Variants in MAJIN observed in about 807,000 individuals in gnomAD.
The protein encoded by MAJIN is membrane-anchored junction protein.
Under a neutral mutation model 30.2 loss-of-function variants are expected in MAJIN, and 27 were observed. The observed-to-expected ratio is 0.89, with a 90% CI of 0.66 to 1.23. The LOEUF is 1.23. Among genes scored for constraint, MAJIN ranks in the 50% most tolerant of loss-of-function variants. The probability of loss-of-function intolerance (pLI) is 0.00; values close to 1 mark genes in which losing one functional copy is unlikely to be tolerated. For synonymous variants in MAJIN, 78 were observed against 91.6 expected (o/e 0.85, Z 0.85); for missense variants, 253 against 260.3 (o/e 0.97, Z 0.19).
intron 8 of MAJIN, among the ~76,000 whole-genome samples, chr11:64,945,141 A>C (rs990837556): frequency 9.9e-5 from 15 of 152,082 alleles, no homozygotes; most frequent in African/African-American, 3.4e-4. Flanking sequence ...GTGGATCACG[A>C]GGTCAGGAGA....
chr11:64,964,153 A>G (rs1945770362), intron 1 of MAJIN, among the ~76,000 whole-genome samples: 1 of 152,106 alleles, frequency 6.6e-6, no homozygotes, highest in Non-Finnish European at 1.5e-5. Context: ...CATGTTGGCC[A>G]GCCTGGTCTT....
intron 1 of MAJIN, among the ~76,000 whole-genome samples, chr11:64,965,630 C>T (rs1945794200): frequency 6.6e-6 from 1 of 152,128 alleles, no homozygotes; most frequent in African/African-American, 2.4e-5. Flanking sequence ...GTAGTTGTGG[C>T]TTGTTACATG....
intron 4 of MAJIN, among the ~76,000 whole-genome samples, chr11:64,952,109 A>C (rs1260857077): frequency 1.3e-5 from 2 of 152,052 alleles, no homozygotes; most frequent in East Asian, 3.9e-4. Flanking sequence ...GGCAGGTCTC[A>C]AATCCCTGAG....
intron 1 of MAJIN, among the ~76,000 whole-genome samples, chr11:64,969,674 G>A (rs1223002606): frequency 6.6e-6 from 1 of 151,908 alleles, no homozygotes. Flanking sequence ...TACTCAGGAA[G>A]CTGAGGCAGG....
chr11:64,955,042 T>A (rs2136776472), intron 3 of MAJIN, among the ~76,000 whole-genome samples: 1 of 152,380 alleles, frequency 6.6e-6, no homozygotes, highest in South Asian at 2.1e-4. Flanking sequence ...TGAAAGTTAA[T>A]CATTGGTTAC....
chr11:64,971,463 C>T (rs1282381135), intron 1 of MAJIN, among the ~76,000 whole-genome samples: 1 of 138,954 alleles, frequency 7.2e-6, no homozygotes, highest in African/African-American at 2.7e-5. Flanking sequence ...GAGGAAGTTG[C>T]GGGGGGGCGG....
In MAJIN at chr11:64,959,322, T is replaced by G; in HGVS notation, c.84A>C (p.Arg28Ser). 6.2e-7 allele frequency: 1 copy of G among 1,613,102 alleles called. No individual in the cohort carries two copies. The highest frequency in any genetic ancestry group is 8.5e-7 in the Non-Finnish European group (1 of 1,179,100). Residue 28 changes from arginine (R) to serine (S), a missense_variant, in exon 3 of 11, where the codon AGA (arginine) becomes AGC (serine). Transcript: ENST00000301896. ...GAAATTACCTGATACTCTTCCCATA[T>G]CTGATTTTGAATTTATACACATTGG... ...AGPNVYKFKI[R>S]YGKSIRGEEI...
chr11:64,954,074 T>G (rs1187125065), intron 4 of MAJIN: 1 of 155,640 alleles, frequency 6.4e-6, no homozygotes, highest in Non-Finnish European at 1.4e-5. Context: ...GAAAAGCTAG[T>G]TTAGACCTCT....
At chr11:64,961,878 T>C (rs1945732859) in intron 1 of MAJIN, among the ~76,000 whole-genome samples, 1 of 150,630 alleles carries the variant, frequency 6.6e-6, no homozygotes, top group African/African-American at 2.4e-5. Context: ...AGCGCCAAAC[T>C]CCTAGGCTCA....
rs186526776 is a variant in MAJIN at position 64,945,174 on chromosome 11, G to A, written c.473+2200C>T. 2.0e-4 allele frequency among the ~76,000 whole-genome samples: 30 copies of A among 152,108 alleles called. No individual in the cohort carries two copies. In the East Asian group the frequency reaches 2.5e-3, roughly 13 times the overall value. The stretch of plus-strand genomic sequence containing the variant: ...AGATCGAGACCATCCTGGCTAACAC[G>A]GTGAAACCCCGTCTCTACTAAAAAA... On this transcript the variant is annotated intron_variant, in intron 8 of 10. Transcript: ENST00000301896.
Position 64,970,366 on chromosome 11 carries a change from T to TTC in MAJIN, c.-65+1510_-65+1511insGA, listed in dbSNP as rs1487200409. ...GGACAAGAGCAAGACTCCGTCTTTT[T>TTC]TTTTTTTTTTTTTTTTTTGAGACGG... On this transcript the variant is annotated intron_variant, in intron 1 of 10. Coordinates refer to ENST00000301896, the MANE Select transcript of MAJIN (RefSeq NM_001037225.3). Among the ~76,000 whole-genome samples, 974 of 128,052 alleles carry TTC rather than the reference T, an allele frequency of 7.6e-3. 13 individuals carry two copies. The highest frequency in any genetic ancestry group is 0.026 in the African/African-American group (919 of 34,880). The allele number at this position is 128,052 out of a possible 152,430, so 84.0% of individuals were successfully genotyped here. A position where few individuals can be genotyped will look rare whatever the true frequency, so the allele number is the denominator to read the frequency against.
chr11:64,950,537 A>C, intron 4 of MAJIN, 107 bp from the exon 5 acceptor site: 1 of 903,818 alleles, frequency 1.1e-6, no homozygotes, highest in Non-Finnish European at 1.7e-6. Context: ...AAACTGAACT[A>C]TTTGCTGTTC....
intron 1 of MAJIN, among the ~76,000 whole-genome samples, chr11:64,968,104 A>G (rs554150336): frequency 6.6e-6 from 1 of 152,236 alleles, no homozygotes; most frequent in East Asian, 1.9e-4. Flanking sequence ...ATGTGGCTAG[A>G]ACATTGAGAA....
chr11:64,947,029 T>C (rs1025311038), intron 8 of MAJIN, among the ~76,000 whole-genome samples: 1 of 152,224 alleles, frequency 6.6e-6, no homozygotes, highest in African/African-American at 2.4e-5. Flanking sequence ...TTTCCCTATG[T>C]TTTTGTAAAT....
chr11:64,938,308 G>A lies in MAJIN; in HGVS notation c.*267C>T. 1.8e-6 allele frequency: 1 copy of A among 541,046 alleles called. No individual in the cohort carries two copies. Among genetic ancestry groups the A allele is most frequent in the African/African-American group, 1.9e-5 (1 of 53,038 alleles). 33.5% of individuals were successfully genotyped at this position (541,046 alleles called of 1,614,324 possible). A position where few individuals can be genotyped will look rare whatever the true frequency, so the allele number is the denominator to read the frequency against. ...AGGCCTAAACCGGCCCTCAGGACATGAACATTTTAGAAAGTTCCATTCTTA... is the reference window on the plus strand; with the variant it reads ...AGGCCTAAACCGGCCCTCAGGACATAAACATTTTAGAAAGTTCCATTCTTA... On this transcript the variant is annotated 3_prime_UTR_variant, in exon 11 of 11. Coordinates refer to ENST00000301896, the MANE Select transcript of MAJIN (RefSeq NM_001037225.3).
intron 1 of MAJIN, among the ~76,000 whole-genome samples, chr11:64,965,723 G>C (rs1055799330): frequency 3.3e-5 from 5 of 152,008 alleles, no homozygotes; most frequent in Non-Finnish European, 7.4e-5. Context: ...TTGGGAGGCC[G>C]AGGCGGGCTG....
chr11:64,966,554 G>GA (rs1314939037), intron 1 of MAJIN, among the ~76,000 whole-genome samples: 1 of 151,818 alleles, frequency 6.6e-6, no homozygotes, highest in Non-Finnish European at 1.5e-5. Flanking sequence ...GAAAAGAAAA[G>GA]AAAAAAGAAA....
At chr11:64,953,699 G>T (rs1945589904) in intron 4 of MAJIN, among the ~76,000 whole-genome samples, 1 of 152,168 alleles carries the variant, frequency 6.6e-6, no homozygotes, top group Non-Finnish European at 1.5e-5. Flanking sequence ...GCTGAGGCAG[G>T]AGAATCGCTG....
chr11:64,946,169 A>T (rs1323684122), intron 8 of MAJIN: 25 of 1,531,874 alleles, frequency 1.6e-5, no homozygotes, highest in Non-Finnish European at 2.0e-5. Flanking sequence ...GTGGGGGGAA[A>T]ATATGCAGGA....
Sources: allele counts gnomAD v4.1 joint callset (sites outside exome capture counted in the v4.1 genomes callset), GRCh38; gene constraint gnomAD v4.1.1; transcripts MANE v1.5; gene names NCBI Gene and HGNC (gene_info 2026-07-23, HGNC 2026-07-21).